MYO1H: variants seen among roughly 807,000 people sequenced by gnomAD.
MYO1H encodes the protein myosin IH.
MYO1H carries 118 observed loss-of-function variants against 149.3 expected under a neutral mutation model. The observed-to-expected ratio is 0.79, with a 90% confidence interval of 0.68 to 0.92. The LOEUF (loss-of-function observed/expected upper bound fraction) is 0.92, where lower values mean the gene tolerates loss of function less well. Among genes scored for constraint, MYO1H ranks in the 40% least tolerant of loss-of-function variants. The pLI, the probability that MYO1H is intolerant of heterozygous loss-of-function variation, is 0.00. For synonymous variants in MYO1H, 447 were observed against 465.2 expected (o/e 0.96, Z 0.50); for missense variants, 1,212 against 1,280.7 (o/e 0.95, Z 0.82).
intron 2 of MYO1H, among the ~76,000 whole-genome samples, chr12:109,389,844 C>T (rs992924666): frequency 6.6e-6 from 1 of 152,042 alleles, no homozygotes; most frequent in Non-Finnish European, 1.5e-5. Flanking sequence ...TGTAATGCTG[C>T]TCGTGACTTA....
intron 1 of MYO1H, among the ~76,000 whole-genome samples, chr12:109,362,427 T>C (rs1008652032): frequency 3.3e-5 from 5 of 152,256 alleles, no homozygotes; most frequent in Non-Finnish European, 5.9e-5. Flanking sequence ...CTATCTTTTT[T>C]AACTTTGCAG....
intron 1 of MYO1H, among the ~76,000 whole-genome samples, chr12:109,364,360 C>T (rs1385216607): frequency 6.6e-6 from 1 of 151,972 alleles, no homozygotes; most frequent in Non-Finnish European, 1.5e-5. Flanking sequence ...CAGGGTCTCA[C>T]TTTTTTGCCC....
intron 5 of MYO1H, among the ~76,000 whole-genome samples, chr12:109,400,372 C>A (rs1237500064): frequency 6.6e-6 from 1 of 152,144 alleles, no homozygotes; most frequent in Non-Finnish European, 1.5e-5. Context: ...ATTCTTCATC[C>A]TTTTGAGAAA....
chr12:109,345,291 G>A (rs780034798), upstream of MYO1H, among the ~76,000 whole-genome samples: 3 of 152,120 alleles, frequency 2.0e-5, no homozygotes, highest in Admixed American at 1.3e-4. Context: ...TTGAAAATGG[G>A]CGAAGGATTT....
At chr12:109,384,957 C>T (rs1869271721) in intron 1 of MYO1H, among the ~76,000 whole-genome samples, 2 of 152,186 alleles carry the variant, frequency 1.3e-5, no homozygotes, top group South Asian at 4.1e-4. Flanking sequence ...ACTTGCTTTA[C>T]TATGTTTCTA....
intron 19 of MYO1H, among the ~76,000 whole-genome samples, chr12:109,432,284 T>C (rs1871660941): frequency 1.3e-5 from 2 of 151,990 alleles, no homozygotes; most frequent in African/African-American, 4.8e-5. Context: ...GATTACAGGC[T>C]TGAGCCCCTG....
rs377214318 is a variant in MYO1H, at chr12:109,393,639, C to T, written c.290+193C>T. 9.2e-5 allele frequency among the ~76,000 whole-genome samples: 14 copies of T among 152,142 alleles called. No individual in the cohort carries two copies. The East Asian group carries it at 2.5e-3, about 27-fold the overall frequency. On this transcript the variant is annotated intron_variant, in intron 3 of 31. Coordinates refer to ENST00000310903, the Ensembl canonical transcript of MYO1H. ...TCTATCCATCCATCCACATATCCAT[C>T]CATCCGCCTATCCATCCATCCATTT...
At chr12:109,342,772 G>A in the MYO1H span, among the ~76,000 whole-genome samples, 1 of 151,238 alleles carries the variant, frequency 6.6e-6, no homozygotes, top group African/African-American at 2.4e-5. Context: ...CGAACTCCTG[G>A]CTTCAAGTGA....
chr12:109,339,681 A>G, the MYO1H span, among the ~76,000 whole-genome samples: 1 of 152,254 alleles, frequency 6.6e-6, no homozygotes, highest in African/African-American at 2.4e-5. Context: ...TGTTGGGAAG[A>G]AGAGAGAAGA....
At chr12:109,373,026 G>C (rs1215514257) in intron 1 of MYO1H, among the ~76,000 whole-genome samples, 2 of 151,960 alleles carry the variant, frequency 1.3e-5, no homozygotes, top group Non-Finnish European at 2.9e-5. Flanking sequence ...CTTAAGGGGA[G>C]TTATTTCTAC....
At chr12:109,359,175 G>A (rs1159961698) in intron 1 of MYO1H, 1 of 152,072 alleles carries the variant, frequency 6.6e-6, no homozygotes, top group Non-Finnish European at 1.5e-5. Flanking sequence ...GCATTTGAGC[G>A]CCTCATAGCT....
exon 26 of MYO1H, chr12:109,441,703 G>T: frequency 6.2e-7 from 1 of 1,607,496 alleles, no homozygotes; most frequent in Non-Finnish European, 8.5e-7. Flanking sequence ...GTCAACAGTC[G>T]GATAGGTAAG....
intron 1 of MYO1H, among the ~76,000 whole-genome samples, chr12:109,356,377 C>G (rs989787208): frequency 7.6e-6 from 1 of 130,756 alleles, no homozygotes; most frequent in Admixed American, 8.3e-5. Flanking sequence ...AAAGCCCTTT[C>G]TGTTTGTTTT....
intron 1 of MYO1H, among the ~76,000 whole-genome samples, chr12:109,350,138 TG>T (rs1452621560): frequency 1.1e-4 from 16 of 152,244 alleles, no homozygotes; most frequent in African/African-American, 3.9e-4. Context: ...TTCGTGCCGT[TG>T]ATTGTCATTG....
intron 1 of MYO1H, among the ~76,000 whole-genome samples, chr12:109,362,325 C>G (rs1188104647): frequency 6.6e-6 from 1 of 152,098 alleles, no homozygotes; most frequent in African/African-American, 2.4e-5. Flanking sequence ...CTGATTTGAG[C>G]CAAAAGAGAA....
chr12:109,379,337 A>G (rs1408353381), intron 1 of MYO1H, among the ~76,000 whole-genome samples: 2 of 152,162 alleles, frequency 1.3e-5, no homozygotes, highest in African/African-American at 4.8e-5. Flanking sequence ...AAAAAGTTCT[A>G]TGTGCTTTTG....
Position 109,425,988 on chromosome 12 carries a change from AC to A in MYO1H, c.1771del (p.Leu591SerfsTer28). ...AAACAGTCTGAGCAGCCTTCTAGAA[AC>A]CCTCATCTCTAAGGAGCCCTCCTAC... On this transcript the variant is annotated frameshift_variant, in exon 18 of 32. Transcript: ENST00000310903. LOFTEE classifies it high-confidence loss of function. 1 of 1,613,772 alleles carries A rather than the reference AC, an allele frequency of 6.2e-7. No homozygotes were observed. Among genetic ancestry groups the A allele is most frequent in the Non-Finnish European group, 8.5e-7 (1 of 1,179,832 alleles).
At chr12:109,321,300 C>T in the MYO1H span, among the ~76,000 whole-genome samples, 2 of 151,972 alleles carry the variant, frequency 1.3e-5, no homozygotes, top group African/African-American at 4.8e-5. Context: ...CGCCTGTAAT[C>T]CAGCACTGGG....
intron 27 of MYO1H, 49 bp downstream of exon 27, chr12:109,442,321 C>A: frequency 6.5e-7 from 1 of 1,549,640 alleles, no homozygotes; most frequent in Non-Finnish European, 8.9e-7. Context: ...CTCATCGAGT[C>A]TAAGAGCAGG....
Sources: gnomAD v4.1 joint callset for allele counts (sites outside exome capture counted in the v4.1 genomes callset) on GRCh38, gnomAD v4.1.1 for gene constraint, MANE v1.5 for transcripts, NCBI Gene and HGNC (gene_info 2026-07-23, HGNC 2026-07-21) for gene names.